Variants in CRIM1 observed in about 807,000 individuals in gnomAD.
CRIM1 encodes the protein cysteine-rich motor neuron 1 protein.
A neutral mutation model predicts 116.4 loss-of-function variants in CRIM1; 32 were observed. The observed-to-expected ratio is 0.27, with a 90% confidence interval of 0.21 to 0.37. CRIM1 has a LOEUF of 0.37. CRIM1 is among the 10% of genes least tolerant of loss of function. CRIM1 has a pLI of 1.00. For missense variants in CRIM1, 1,331 were observed against 1,354.8 expected, an observed-to-expected ratio of 0.98 and a Z score of 0.28; for synonymous variants, 590 against 509.2, an observed-to-expected ratio of 1.16 and a Z score of -2.13.
At chr2:36,481,475 C>G (rs1224914741) in intron 7 of CRIM1, among the ~76,000 whole-genome samples, 5 of 152,100 alleles carry the variant, frequency 3.3e-5, no homozygotes, top group African/African-American at 1.2e-4. Context: ...TAAGAACCTC[C>G]TGGAATTCAG....
intron 1 of CRIM1, among the ~76,000 whole-genome samples, chr2:36,364,803 T>C (rs928491214): frequency 6.6e-6 from 1 of 152,232 alleles, no homozygotes; most frequent in Non-Finnish European, 1.5e-5. Flanking sequence ...GAGATTTATA[T>C]ATATGATTAC....
chr2:36,445,864 C>A (rs1361684654), intron 4 of CRIM1, among the ~76,000 whole-genome samples: 1 of 151,812 alleles, frequency 6.6e-6, no homozygotes, highest in Non-Finnish European at 1.5e-5. Flanking sequence ...TGTGTGTGAG[C>A]CATGTCAAAT....
intron 2 of CRIM1, among the ~76,000 whole-genome samples, chr2:36,402,867 G>A (rs1358096777): frequency 6.6e-6 from 1 of 151,966 alleles, no homozygotes; most frequent in African/African-American, 2.4e-5. Context: ...GATTTAGGAA[G>A]GACCCAGGAG....
chr2:36,432,835 C>T (rs182793910), intron 2 of CRIM1, among the ~76,000 whole-genome samples: 317 of 151,984 alleles, frequency 2.1e-3, no homozygotes, highest in African/African-American at 7.2e-3. Flanking sequence ...TCCAGTAATT[C>T]TGTTTAATTG....
intron 2 of CRIM1, among the ~76,000 whole-genome samples, chr2:36,400,900 G>A (rs1672356827): frequency 6.6e-6 from 1 of 152,076 alleles, no homozygotes. Context: ...CTTACAGGAA[G>A]GTGAATAGTC....
intron 1 of CRIM1, among the ~76,000 whole-genome samples, chr2:36,359,604 GA>G (rs1034789034): frequency 1.3e-5 from 2 of 151,910 alleles, no homozygotes; most frequent in South Asian, 2.1e-4. Context: ...AATGCTGAAG[GA>G]AAAAAAATAT....
rs185818135 is a variant in CRIM1 at position 36,415,639 on chromosome 2, G to A, written c.505+18852G>A. Among the ~76,000 whole-genome samples, 144 of 152,232 alleles carry A rather than the reference G, an allele frequency of 9.5e-4. 1 individual carries two copies. Among genetic ancestry groups the A allele is most frequent in the Middle Eastern group, 3.4e-3 (1 of 294 alleles). ...ATGATTATCGTCACACTAGAATCCC[G>A]GTGGAACCAAGGCTAGCTGGGGGAA... is the stretch of plus-strand genomic sequence containing the variant. On this transcript the variant is annotated intron_variant, in intron 2 of 16. Coordinates refer to ENST00000280527, the MANE Select transcript of CRIM1 (RefSeq NM_016441.3).
chr2:36,511,984 T>TTG (rs1303134328), intron 9 of CRIM1, among the ~76,000 whole-genome samples: 2 of 152,240 alleles, frequency 1.3e-5, no homozygotes, highest in Admixed American at 6.5e-5. Flanking sequence ...CATCTTTTTA[T>TTG]TGTGGTGTAC....
At chr2:36,460,624 G>A (rs1327600754) in intron 4 of CRIM1, among the ~76,000 whole-genome samples, 1 of 152,164 alleles carries the variant, frequency 6.6e-6, no homozygotes, top group Non-Finnish European at 1.5e-5. Context: ...GCCTGGGGTG[G>A]CCTTTATGAA....
chr2:36,514,293 A>G (rs992383722), intron 11 of CRIM1, among the ~76,000 whole-genome samples: 8 of 152,252 alleles, frequency 5.3e-5, no homozygotes, highest in Admixed American at 2.6e-4. Flanking sequence ...AACATTTAAA[A>G]TCATAATCAT....
At chr2:36,494,893 T>G (rs887319000) in intron 7 of CRIM1, among the ~76,000 whole-genome samples, 4 of 152,132 alleles carry the variant, frequency 2.6e-5, no homozygotes, top group African/African-American at 9.7e-5. Context: ...CAAGATGAGA[T>G]AGAATTTCAA....
At chr2:36,522,623 G>A (rs1207210657) in intron 13 of CRIM1, among the ~76,000 whole-genome samples, 1 of 151,882 alleles carries the variant, frequency 6.6e-6, no homozygotes, top group African/African-American at 2.4e-5. Context: ...CCAACATGAT[G>A]AAACCCCGTC....
At position 36,517,445 on chromosome 2, in the gene CRIM1, C is replaced by T; in HGVS notation, c.2109C>T (p.Cys703=). Residue 703 remains cysteine (C), a synonymous_variant, in exon 12 of 17, where the codon TGC becomes TGT. Coordinates refer to ENST00000280527, the MANE Select transcript of CRIM1 (RefSeq NM_016441.3). ...TTGACTCCTGTACTCAGTGCACCTG[C>T]CACAGCGGACGGGTGCTGTGTGAGA... ...WNIDSCTQCT[C]HSGRVLCETE... is the part of the protein sequence containing the mutation. The T allele has an allele frequency of 6.2e-7, 1 of 1,614,192 alleles. No homozygotes were observed. The highest frequency in any genetic ancestry group is 8.5e-7 in the Non-Finnish European group (1 of 1,180,002).
intron 1 of CRIM1, among the ~76,000 whole-genome samples, chr2:36,386,687 GT>G (rs1224592724): frequency 6.6e-6 from 1 of 152,202 alleles, no homozygotes; most frequent in East Asian, 1.9e-4. Flanking sequence ...TAGATCGTTA[GT>G]TTCAAAGAAC....
chr2:36,474,588 G>A (rs1678808720), intron 5 of CRIM1, among the ~76,000 whole-genome samples: 1 of 151,992 alleles, frequency 6.6e-6, no homozygotes, highest in Non-Finnish European at 1.5e-5. Context: ...TGGCATGGTG[G>A]CTCACACCTG....
At chr2:36,408,592 G>A (rs922604736) in intron 2 of CRIM1, among the ~76,000 whole-genome samples, 6 of 152,244 alleles carry the variant, frequency 3.9e-5, no homozygotes, top group African/African-American at 1.4e-4. Flanking sequence ...TGTCCCTTCT[G>A]TGTCCACAGG....
intron 13 of CRIM1, among the ~76,000 whole-genome samples, chr2:36,533,953 A>G (rs10166925): frequency 0.44 from 63,989 of 144,216 alleles, 14,434 homozygotes; most frequent in East Asian, 0.61. Context: ...AGGGAAGGAA[A>G]GAGGGTGGGA....
At chr2:36,454,656 T>A (rs1232629411) in intron 4 of CRIM1, among the ~76,000 whole-genome samples, 1 of 152,174 alleles carries the variant, frequency 6.6e-6, no homozygotes, top group Non-Finnish European at 1.5e-5. Context: ...TGTGCCCCTT[T>A]TTTTCTATTT....
chr2:36,442,495 G>A (rs1675925675), intron 3 of CRIM1, 120 bp from the exon 4 acceptor site: 2 of 1,169,122 alleles, frequency 1.7e-6, no homozygotes, highest in African/African-American at 1.5e-5. Flanking sequence ...TCGACACTAG[G>A]ACTGGGTTTG....
Sources: allele counts gnomAD v4.1 joint callset (sites outside exome capture counted in the v4.1 genomes callset), GRCh38; gene constraint gnomAD v4.1.1; transcripts MANE v1.5; gene names NCBI Gene and HGNC (gene_info 2026-07-23, HGNC 2026-07-21).